Variants in RLF observed in about 807,000 individuals in gnomAD.
RLF encodes zinc finger protein Rlf.
Under a neutral mutation model 162.9 loss-of-function variants are expected in RLF, and 7 were observed. The ratio of observed to expected loss-of-function variants is 0.04; its 90% CI spans 0.02 to 0.08. RLF has a LOEUF of 0.08. RLF is among the 10% of genes least tolerant of loss of function. RLF has a pLI of 1.00. For synonymous variants in RLF, 782 were observed against 791.5 expected, an observed-to-expected ratio of 0.99 and a Z score of 0.20; for missense variants, 1,664 against 2,244.7, an observed-to-expected ratio of 0.74 and a Z score of 5.23.
Position 40,182,100 on chromosome 1 carries a change from T to C in RLF, c.238-6955T>C, listed in dbSNP as rs186171380. Among the ~76,000 whole-genome samples the C allele has an allele frequency of 2.7e-4, 41 of 152,266 alleles. No homozygotes were observed. In the East Asian group the frequency reaches 7.7e-3, roughly 29 times the overall value. On this transcript the variant is annotated intron_variant, in intron 1 of 7. Coordinates refer to ENST00000372771, the MANE Select transcript of RLF (RefSeq NM_012421.4). ...CTTTACAATAAATGGAAAGACGTTA[T>C]AGCATGATTCTATTAAAATGTTCGG...
rs186204768 is a variant in RLF at position 40,239,123 on chromosome 1, A to G, written c.4421A>G (p.Asp1474Gly). ...HVYYRHKDYY[D>G]DLFRSQKVAN... ...TATTACCGACATAAAGACTATTATGATGATTTGTTTAGAAGCCAGAAAGTA... is the reference window on the plus strand; with the variant it reads ...TATTACCGACATAAAGACTATTATGGTGATTTGTTTAGAAGCCAGAAAGTA... The change falls in exon 8 of 8, where the codon GAT becomes GGT. Residue 1474 changes from aspartate (D) to glycine (G), a missense_variant. Transcript: ENST00000372771. 2 of 1,614,142 alleles carry G rather than the reference A, an allele frequency of 1.2e-6. No individual in the cohort carries two copies. The highest frequency in any genetic ancestry group is 1.7e-5 in the Admixed American group (1 of 60,022).
At position 40,161,532 on chromosome 1, in the gene RLF, G is replaced by C; in HGVS notation, c.133G>C (p.Gly45Arg). 1 of 1,606,862 alleles carries C rather than the reference G, an allele frequency of 6.2e-7. No individual in the cohort carries two copies. Among genetic ancestry groups the C allele is most frequent in the Non-Finnish European group, 8.5e-7 (1 of 1,177,138 alleles). Residue 45 changes from glycine (G) to arginine (R), a missense_variant, in exon 1 of 8, where the codon GGA becomes CGA. Gly to Arg is a moderately radical substitution (Grantham distance 125). Around this residue, in one of 15 missense-constraint regions of RLF, gnomAD observed 134 missense variants for 124.3 expected, o/e 1.08. Coordinates refer to ENST00000372771, the MANE Select transcript of RLF (RefSeq NM_012421.4). The surrounding 1 kb of genome is among the most constrained non-coding windows in gnomAD (Gnocchi z 4.4). Reference sequence around the variant, plus strand: ...TCATCGCCCCGTATCTCCAGCGCCGGGAGCCTCGGGACTGCGGCCGTGTCT... The same window carrying C: ...TCATCGCCCCGTATCTCCAGCGCCGCGAGCCTCGGGACTGCGGCCGTGTCT... Reference protein sequence around the residue: ...RGHRPVSPAPGASGLRPCLWQ... With the variant: ...RGHRPVSPAPRASGLRPCLWQ...
chr1:40,220,120 C>G (rs976949618), intron 5 of RLF, among the ~76,000 whole-genome samples: 11 of 152,060 alleles, frequency 7.2e-5, no homozygotes, highest in Middle Eastern at 3.4e-3. Flanking sequence ...CCCAGCTACT[C>G]GGGGGGCTGA....
At chr1:40,187,178 C>T (rs1297163077) in intron 1 of RLF, among the ~76,000 whole-genome samples, 3 of 151,048 alleles carry the variant, frequency 2.0e-5, no homozygotes, top group Admixed American at 6.6e-5. Context: ...ACTACAAGCG[C>T]GCGCCACCAC....
At chr1:40,210,596 A>G (rs1444328893) in intron 5 of RLF, among the ~76,000 whole-genome samples, 1 of 152,230 alleles carries the variant, frequency 6.6e-6, no homozygotes, top group Admixed American at 6.5e-5. Context: ...AAGGCTTTGC[A>G]GTTAGGAAGT....
chr1:40,186,481 T>G (rs1441104123), intron 1 of RLF, among the ~76,000 whole-genome samples: 1 of 152,146 alleles, frequency 6.6e-6, no homozygotes, highest in African/African-American at 2.4e-5. Context: ...TCTTTGAAAT[T>G]GTGTAGCTTA....
intron 5 of RLF, among the ~76,000 whole-genome samples, chr1:40,220,493 C>T (rs1642977545): frequency 1.3e-5 from 2 of 151,992 alleles, no homozygotes. Context: ...CTTTTTTGGT[C>T]CCCAAATTTG....
chr1:40,220,900 AGG>A (rs1491158200), intron 5 of RLF, among the ~76,000 whole-genome samples: 1 of 150,048 alleles, frequency 6.7e-6, no homozygotes, highest in African/African-American at 2.5e-5. Context: ...CTGAGGGAGG[AGG>A]GATCACTGGA....
At chr1:40,235,623 C>T (rs1234277397) in intron 7 of RLF, among the ~76,000 whole-genome samples, 169 bp from the exon 8 acceptor site, 1 of 152,108 alleles carries the variant, frequency 6.6e-6, no homozygotes, top group African/African-American at 2.4e-5. Flanking sequence ...TAATTTAGTT[C>T]TTTGCATGTT....
At chr1:40,223,776 A>G (rs894435803) in intron 6 of RLF, among the ~76,000 whole-genome samples, 1 of 152,268 alleles carries the variant, frequency 6.6e-6, no homozygotes, top group African/African-American at 2.4e-5. Context: ...CATAGGGACC[A>G]GAGAAAACTT....
Position 40,189,122 on chromosome 1 carries a change from G to C in RLF, c.305G>C (p.Arg102Pro). 1 of 1,613,444 alleles carries C rather than the reference G, an allele frequency of 6.2e-7. No homozygotes were observed. The highest frequency in any genetic ancestry group is 8.5e-7 in the Non-Finnish European group (1 of 1,179,494). The change falls in exon 2 of 8, where the codon CGA becomes CCA. Residue 102 changes from arginine (R) to proline (P), a missense_variant. This residue lies in a region of RLF where 287 missense variants were observed against 404.9 expected (regional missense o/e 0.71). Transcript: ENST00000372771. ...EHIVYLLEVY[R>P]LAIQSFASAR... ...ATTGTGTATCTTCTGGAGGTATATC[G>C]ACTTGCCATCCAAAGCTTTGCCAGT...
chr1:40,238,930 A>G lies in RLF; in HGVS notation c.4228A>G (p.Asn1410Asp). 1 of 1,614,216 alleles carries G rather than the reference A, an allele frequency of 6.2e-7. No homozygotes were observed. Among genetic ancestry groups the G allele is most frequent in the Non-Finnish European group, 8.5e-7 (1 of 1,180,028 alleles). ...EAGSAARFSC[N>D]QPQCPAVFYT... ...TGGATCTGCAGCAAGGTTTTCTTGTAACCAGCCTCAGTGCCCTGCTGTTTT... is the reference window on the plus strand; with the variant it reads ...TGGATCTGCAGCAAGGTTTTCTTGTGACCAGCCTCAGTGCCCTGCTGTTTT... The change falls in exon 8 of 8, where the codon AAC becomes GAC. Residue 1410 changes from asparagine to aspartate, a missense_variant. Transcript: ENST00000372771. This position sits in a 1 kb window ranked among gnomAD's most constrained non-coding sequence, Gnocchi z 5.2.
chr1:40,212,384 T>C (rs1377431509), intron 5 of RLF, among the ~76,000 whole-genome samples: 1 of 152,138 alleles, frequency 6.6e-6, no homozygotes, highest in Non-Finnish European at 1.5e-5. Context: ...TGTGATACTT[T>C]ATTTATGTAG....
At chr1:40,221,799 C>T (rs1642999712) in intron 5 of RLF, among the ~76,000 whole-genome samples, 1 of 149,528 alleles carries the variant, frequency 6.7e-6, no homozygotes, top group Non-Finnish European at 1.5e-5. Flanking sequence ...ACTCTGGAGG[C>T]TGAGGCAGGA....
intron 1 of RLF, among the ~76,000 whole-genome samples, chr1:40,165,563 T>C (rs535062858): frequency 2.0e-5 from 3 of 152,212 alleles, no homozygotes; most frequent in East Asian, 3.9e-4. Flanking sequence ...TTTCCTCTTA[T>C]TTGTTTGGGA....
chr1:40,193,666 C>T (rs1442463858), intron 3 of RLF, among the ~76,000 whole-genome samples: 3 of 151,990 alleles, frequency 2.0e-5, no homozygotes, highest in Admixed American at 6.6e-5. Flanking sequence ...TTAAATATTG[C>T]TATTGGTGAA....
At chr1:40,191,843 T>C (rs554353787) in intron 3 of RLF, among the ~76,000 whole-genome samples, 3 of 152,326 alleles carry the variant, frequency 2.0e-5, no homozygotes, top group South Asian at 2.1e-4. Flanking sequence ...ACAAACCTTA[T>C]AGTGTGAGAA....
intron 7 of RLF, among the ~76,000 whole-genome samples, chr1:40,233,126 C>T (rs1273554681): frequency 2.6e-5 from 4 of 151,312 alleles, no homozygotes; most frequent in African/African-American, 4.9e-5. Flanking sequence ...GATTGAATGA[C>T]TTGGCTATAT....
chr1:40,173,916 G>A (rs1642280772), intron 1 of RLF, among the ~76,000 whole-genome samples: 1 of 152,174 alleles, frequency 6.6e-6, no homozygotes, highest in African/African-American at 2.4e-5. Context: ...GAAGCCATTG[G>A]GATGTGTGAT....
Sources: allele counts gnomAD v4.1 joint callset (sites outside exome capture counted in the v4.1 genomes callset), GRCh38; gene constraint gnomAD v4.1.1; regional missense constraint gnomAD v4.1.1; non-coding constraint Gnocchi (gnomAD v3.1); transcripts MANE v1.5; gene names NCBI Gene and HGNC (gene_info 2026-07-23, HGNC 2026-07-21).